Variants in LMO7 observed in about 807,000 individuals in gnomAD.
LMO7 encodes the protein LIM domain only protein 7.
A neutral mutation model predicts 206.5 loss-of-function variants in LMO7; 120 were observed. The ratio of observed to expected loss-of-function variants is 0.58; its 90% CI spans 0.50 to 0.68. The LOEUF (loss-of-function observed/expected upper bound fraction) is 0.68. Ranked by LOEUF, LMO7 falls within the 30% of genes least tolerant of loss-of-function variation. LMO7 has a pLI of 0.00. For synonymous variants in LMO7, 706 were observed against 681.5 expected, an observed-to-expected ratio of 1.04 and a Z score of -0.56; for missense variants, 1,959 against 1,957.9, an observed-to-expected ratio of 1.00 and a Z score of -0.01.
At chr13:75,726,294 C>T (rs940636721) in intron 2 of LMO7, among the ~76,000 whole-genome samples, 2 of 151,910 alleles carry the variant, frequency 1.3e-5, no homozygotes, top group Admixed American at 1.3e-4. Context: ...GATTTAGAAG[C>T]AAAATCGTAC....
intron 1 of LMO7, among the ~76,000 whole-genome samples, chr13:75,707,303 T>C (rs2042730892): frequency 6.6e-6 from 1 of 152,102 alleles, no homozygotes; most frequent in Admixed American, 6.5e-5. Flanking sequence ...GTTATAGAAA[T>C]TGGGATTATA....
Position 75,761,022 on chromosome 13 carries a change from A to G in LMO7, c.301A>G (p.Asn101Asp), listed in dbSNP as rs1388468925. The change falls in exon 4 of 31, where the codon AAT becomes GAT. Residue 101 changes from asparagine (N) to aspartate (D), a missense_variant. Asn to Asp is a conservative substitution (Grantham distance 23). Coordinates refer to ENST00000377534, the MANE Select transcript of LMO7 (RefSeq NM_001306080.2). ...TCCTGGAGATCTACAGGATTTATCAAATCGAGTCACTGTCAAGTAAGTTTC... is the reference window on the plus strand; with the variant it reads ...TCCTGGAGATCTACAGGATTTATCAGATCGAGTCACTGTCAAGTAAGTTTC... ...FHPGDLQDLS[N>D]RVTVKQEETD... The G allele has an allele frequency of 6.2e-7, 1 of 1,610,916 alleles. No homozygotes were observed. The highest frequency in any genetic ancestry group is 8.5e-7 in the Non-Finnish European group (1 of 1,177,830).
chr13:75,823,865 A>G lies in LMO7; in HGVS notation c.2941A>G (p.Arg981Gly), dbSNP rs765959597. The change falls in exon 15 of 31, where the codon AGA (arginine) becomes GGA (glycine). Residue 981 changes from arginine (R) to glycine (G), a missense_variant. Arg to Gly is a moderately radical substitution (Grantham distance 125, BLOSUM62 -2). Transcript: ENST00000377534. ...AATCTCCCCACAAAGAGAAGTCTCA[A>G]GATCCCAGGTGAGTTTGGAAAAGTT... The part of the protein sequence containing the change: ...GEISPQREVS[R>G]SQDQFSDMRI... The G allele has an allele frequency of 2.5e-6, 4 of 1,613,604 alleles. No homozygotes were observed. Among genetic ancestry groups the G allele is most frequent in the South Asian group, 1.1e-5 (1 of 91,070 alleles).
At chr13:75,750,544 C>T (rs771901351) in intron 3 of LMO7, among the ~76,000 whole-genome samples, 6 of 151,898 alleles carry the variant, frequency 4.0e-5, no homozygotes, top group Non-Finnish European at 8.8e-5. Context: ...TGCATGCCAC[C>T]GCACCTGGAT....
chr13:75,675,900 A>G (rs2039969774), intron 1 of LMO7, among the ~76,000 whole-genome samples: 1 of 76,164 alleles, frequency 1.3e-5, no homozygotes, highest in Non-Finnish European at 3.6e-5. Context: ...ACACACACAC[A>G]CACACACACA....
chr13:75,699,196 C>T (rs2042106807), intron 1 of LMO7, among the ~76,000 whole-genome samples: 1 of 152,096 alleles, frequency 6.6e-6, no homozygotes, highest in Admixed American at 6.6e-5. Flanking sequence ...AAGACTCCCC[C>T]AGTAGGTGCC....
At chr13:75,821,918 A>C (rs2057619460) in intron 14 of LMO7, among the ~76,000 whole-genome samples, 1 of 152,166 alleles carries the variant, frequency 6.6e-6, no homozygotes. Context: ...GTAAAGTTTT[A>C]GGTTGAAAAA....
rs575113092 is a variant in LMO7 at position 75,643,108 on chromosome 13, G to A, written c.69+6382G>A. On this transcript the variant is annotated intron_variant, in intron 1 of 30. Coordinates refer to ENST00000377534, the MANE Select transcript of LMO7 (RefSeq NM_001306080.2). ...TCCTGGATTGGACCCCAGGGAGTAT[G>A]CCGATTTATTCAATCTGTGTTGGTT... 2.6e-5 allele frequency among the ~76,000 whole-genome samples: 4 copies of A among 152,322 alleles called. No homozygotes were observed. The South Asian group carries it at 6.2e-4, about 24-fold the overall frequency.
At position 75,853,232 on chromosome 13, in the gene LMO7, C is replaced by G. The variant is rs1339615585; in HGVS notation, c.4505C>G (p.Ser1502Ter). 1.9e-6 allele frequency: 3 copies of G among 1,614,052 alleles called. No homozygotes were observed. The highest frequency in any genetic ancestry group is 2.5e-6 in the Non-Finnish European group (3 of 1,180,032). Residue 1502 changes from serine to a stop codon, truncating the protein, a stop_gained, in exon 28 of 31, where the codon TCA (serine) becomes TGA (stop). Coordinates refer to ENST00000377534, the MANE Select transcript of LMO7 (RefSeq NM_001306080.2). LOFTEE classifies it high-confidence loss of function. ...SRPPPQLVSTSNRAYMRNPSS... is the reference protein window; with the variant it reads ...SRPPPQLVST ...CCACCACCTCAGCTGGTGTCCACAT[C>G]AAACCGTGCCTACATGCGGAACCCC...
chr13:75,747,796 G>A lies in LMO7; in HGVS notation c.211-13136G>A, dbSNP rs145389726. ...AGAATTAGGTTGCAGATGGGATTGC[G>A]GTTGCTAATCAGTTGATCCTGAGAT... is the stretch of plus-strand genomic sequence containing the variant. On this transcript the variant is annotated intron_variant, in intron 3 of 30. Coordinates refer to ENST00000377534, the MANE Select transcript of LMO7 (RefSeq NM_001306080.2). Among the ~76,000 whole-genome samples the A allele has an allele frequency of 4.6e-5, 7 of 152,294 alleles. No homozygotes were observed. The South Asian group carries it at 1.0e-3, about 23-fold the overall frequency.
At chr13:75,717,414 C>A (rs1428032884) in intron 2 of LMO7, among the ~76,000 whole-genome samples, 3 of 150,794 alleles carry the variant, frequency 2.0e-5, no homozygotes, top group African/African-American at 7.3e-5. Context: ...TCTTCTCTCA[C>A]TGTCACCAGG....
chr13:75,711,439 T>A (rs1215238139), intron 1 of LMO7, among the ~76,000 whole-genome samples: 1 of 152,210 alleles, frequency 6.6e-6, no homozygotes, highest in Non-Finnish European at 1.5e-5. Flanking sequence ...TGGACTTTTT[T>A]TGGTTGGTAA....
chr13:75,836,346 G>A, intron 18 of LMO7, 51 bp from the exon 19 acceptor site: 1 of 1,002,954 alleles, frequency 1.0e-6, no homozygotes. Context: ...CATTATTTAA[G>A]GCCAAAGTCC....
At chr13:75,702,113 T>TC (rs975136200) in intron 1 of LMO7, among the ~76,000 whole-genome samples, 6 of 152,182 alleles carry the variant, frequency 3.9e-5, no homozygotes, top group Non-Finnish European at 7.4e-5. Context: ...CTTTTTTTTT[T>TC]CCCTCAAAAT....
chr13:75,737,937 T>C (rs1392149350), intron 3 of LMO7, among the ~76,000 whole-genome samples: 6 of 150,902 alleles, frequency 4.0e-5, no homozygotes, highest in Non-Finnish European at 5.9e-5. Flanking sequence ...TTGGTGTCTC[T>C]TAGTTGAGGT....
chr13:75,841,124 G>A lies in LMO7; in HGVS notation c.3598G>A (p.Glu1200Lys), dbSNP rs746185014. ...TTTCTTATAGGAAAAATATCAACGT[G>A]AGCAGGAGAAACTGAGGGAAGAGTG... ...DRLLQEKYQR[E>K]QEKLREEWQR... The change falls in exon 23 of 31, where the codon GAG (glutamate) becomes AAG (lysine). Residue 1200 changes from glutamate (E) to lysine (K), a missense_variant. Transcript: ENST00000377534. The A allele has an allele frequency of 2.5e-6, 4 of 1,610,992 alleles. No individual in the cohort carries two copies. The highest frequency in any genetic ancestry group is 3.4e-6 in the Non-Finnish European group (4 of 1,177,440).
chr13:75,668,419 T>A (rs1247508355), intron 1 of LMO7, among the ~76,000 whole-genome samples: 5 of 152,196 alleles, frequency 3.3e-5, no homozygotes, highest in Non-Finnish European at 7.3e-5. Context: ...AGTTCTGGCT[T>A]GCCTGAAATT....
chr13:75,858,125 T>A lies in LMO7; in HGVS notation c.*182T>A. The stretch of plus-strand genomic sequence containing the variant: ...CTTGGTAGAACCAGTATTTTTGTTG[T>A]TTATTTATAAGGTAATTGTGTGTGG... On this transcript the variant is annotated 3_prime_UTR_variant, in exon 31 of 31. Coordinates refer to ENST00000377534, the MANE Select transcript of LMO7 (RefSeq NM_001306080.2). The A allele has an allele frequency of 1.8e-6, 1 of 553,122 alleles. No homozygotes were observed. Among genetic ancestry groups the A allele is most frequent in the Non-Finnish European group, 3.0e-6 (1 of 329,100 alleles). 34.3% of individuals were successfully genotyped at this position (553,122 alleles called of 1,614,324 possible).
chr13:75,640,332 T>C lies in LMO7; in HGVS notation c.69+3606T>C, dbSNP rs567839065. ...TCCCCTGGTAGTTGTACCAGTTAAATGGATGCTGATGGTAGAGCAACAAAT... is the reference window on the plus strand; with the variant it reads ...TCCCCTGGTAGTTGTACCAGTTAAACGGATGCTGATGGTAGAGCAACAAAT... On this transcript the variant is annotated intron_variant, in intron 1 of 30. Coordinates refer to ENST00000377534, the MANE Select transcript of LMO7 (RefSeq NM_001306080.2). Among the ~76,000 whole-genome samples the C allele has an allele frequency of 1.1e-4, 17 of 152,308 alleles. No homozygotes were observed. In the South Asian group the frequency reaches 3.1e-3, roughly 28 times the overall value.
Sources: gnomAD v4.1 joint callset for allele counts (sites outside exome capture counted in the v4.1 genomes callset) on GRCh38, gnomAD v4.1.1 for gene constraint, MANE v1.5 for transcripts, NCBI Gene and HGNC (gene_info 2026-07-23, HGNC 2026-07-21) for gene names.